TNN: variants seen among roughly 807,000 people sequenced by gnomAD.
TNN encodes the protein tenascin N, also known as tenascin-N.
A neutral mutation model predicts 134.4 loss-of-function variants in TNN; 122 were observed. The observed-to-expected ratio is 0.91, with a 90% CI of 0.78 to 1.06. TNN has a LOEUF of 1.06. Among genes scored for constraint, TNN ranks in the 50% least tolerant of loss-of-function variants. TNN has a pLI of 0.00. For missense variants in TNN, 1,739 were observed against 1,699.4 expected (o/e 1.02, Z -0.41); for synonymous variants, 710 against 670.3 (o/e 1.06, Z -0.91).
intron 9 of TNN, among the ~76,000 whole-genome samples, chr1:175,102,528 G>A (rs1185059147): frequency 3.4e-5 from 5 of 146,006 alleles, no homozygotes; most frequent in African/African-American, 7.4e-5. Flanking sequence ...TACACCCTCC[G>A]CAGCTGCTGG....
At chr1:175,109,420 C>T (rs1363817044) in intron 9 of TNN, among the ~76,000 whole-genome samples, 2 of 151,948 alleles carry the variant, frequency 1.3e-5, no homozygotes, top group Non-Finnish European at 2.9e-5. Flanking sequence ...CTTAAGCCAA[C>T]CTGTGTTCAT....
chr1:175,077,327 A>AT, intron 1 of TNN, 57 bp from the exon 2 acceptor site: 1 of 1,368,928 alleles, frequency 7.3e-7, no homozygotes, highest in Non-Finnish European at 9.9e-7. Context: ...GTAAAAAAAA[A>AT]GCCAGCTTCC....
rs189310230 is a variant in TNN at position 175,102,654 on chromosome 1, C to T, written c.2119+4059C>T. Among the ~76,000 whole-genome samples the T allele has an allele frequency of 4.1e-5, 6 of 145,754 alleles. 1 individual carries two copies. Among genetic ancestry groups the T allele is most frequent in the Non-Finnish European group, 7.6e-5 (5 of 65,532 alleles). ...CTCCAGCTGGCCCGCAAGCACCATG[C>T]GCAGCCCTGGTTCCCACTCGCGCCT... On this transcript the variant is annotated intron_variant, in intron 9 of 18. Coordinates refer to ENST00000239462, the MANE Select transcript of TNN (RefSeq NM_022093.2).
At position 175,083,825 on chromosome 1, in the gene TNN, C is replaced by T. The variant is rs897741844; in HGVS notation, c.1124C>T (p.Ser375Leu). The T allele has an allele frequency of 1.5e-5, 25 of 1,614,088 alleles. No individual in the cohort carries two copies. The highest frequency in any genetic ancestry group is 5.0e-5 in the Admixed American group (3 of 60,008). ...NSLDVEWENP[S>L]TEVDYYKLRY... ...CTTGACGTGGAGTGGGAAAACCCCT[C>T]AACTGAGGTGGACTACTACAAGCTG... The change falls in exon 5 of 19, where the codon TCA becomes TTA. Residue 375 changes from serine (S) to leucine (L), a missense_variant. By Grantham distance (145) the Ser-to-Leu change is moderately radical (BLOSUM62 -2). Coordinates refer to ENST00000239462, the MANE Select transcript of TNN (RefSeq NM_022093.2).
chr1:175,068,857 G>T (rs753768803), intron 1 of TNN, among the ~76,000 whole-genome samples: 32 of 152,170 alleles, frequency 2.1e-4, no homozygotes, highest in Non-Finnish European at 5.9e-5. Context: ...GCGGTGAGCC[G>T]AGATTGAACC....
chr1:175,096,274 G>T (rs938228872), intron 7 of TNN, among the ~76,000 whole-genome samples: 1 of 152,246 alleles, frequency 6.6e-6, no homozygotes, highest in Non-Finnish European at 1.5e-5. Flanking sequence ...CAGAGGCTAA[G>T]TTGTGAGAAT....
chr1:175,123,598 T>C lies in TNN; in HGVS notation c.2849T>C (p.Met950Thr), dbSNP rs148291406. 6.2e-7 allele frequency: 1 copy of C among 1,614,004 alleles called. No homozygotes were observed. The highest frequency in any genetic ancestry group is 8.5e-7 in the Non-Finnish European group (1 of 1,180,008). ...GGCCTGAGACCAGGCATGGAGTACA[T>C]GGTGCACGTGTGGGCCCAGAAGGGG... ...LTGLRPGMEYMVHVWAQKGAQ... is the reference protein window; with the variant it reads ...LTGLRPGMEYTVHVWAQKGAQ... The change falls in exon 12 of 19, where the codon ATG becomes ACG. Residue 950 changes from methionine (M) to threonine (T), a missense_variant. Physicochemically the swap from Met to Thr is moderately conservative, Grantham distance 81. Coordinates refer to ENST00000239462, the MANE Select transcript of TNN (RefSeq NM_022093.2).
intron 6 of TNN, among the ~76,000 whole-genome samples, chr1:175,091,559 T>TATTTTTTTTTA (rs1558353471): frequency 3.5e-5 from 5 of 141,688 alleles, no homozygotes; most frequent in African/African-American, 1.3e-4. Flanking sequence ...TATTTATTAT[T>TATTTTTTTTTA]TTTATTTATT....
intron 17 of TNN, among the ~76,000 whole-genome samples, chr1:175,138,339 A>G (rs752695065): frequency 6.6e-5 from 10 of 152,174 alleles, no homozygotes; most frequent in African/African-American, 2.4e-4. Context: ...AAAAAATGAA[A>G]TTGCTAGCAG....
chr1:175,145,570 A>AAAAAAAAAAAAAAAAAAAAAC (rs1676044531), intron 18 of TNN, among the ~76,000 whole-genome samples: 1 of 149,038 alleles, frequency 6.7e-6, no homozygotes, highest in Non-Finnish European at 1.5e-5. Context: ...AAAAAAAAAA[A>AAAAAAAAAAAAAAAAAAAAAC]AAAAAGCTGT....
intron 12 of TNN, among the ~76,000 whole-genome samples, chr1:175,126,079 A>T (rs1385623703): frequency 1.4e-5 from 2 of 144,024 alleles, no homozygotes; most frequent in African/African-American, 5.1e-5. Flanking sequence ...AACAGTATGT[A>T]AGAAACATAA....
chr1:175,143,246 G>C (rs1181278750), intron 17 of TNN, among the ~76,000 whole-genome samples: 1 of 152,214 alleles, frequency 6.6e-6, no homozygotes, highest in Non-Finnish European at 1.5e-5. Context: ...GAATGCACAT[G>C]CGAAGAAGAT....
At chr1:175,093,900 T>A (rs1674506861) in intron 6 of TNN, 90 bp from the exon 7 acceptor site, 2 of 1,398,398 alleles carry the variant, frequency 1.4e-6, no homozygotes, top group Non-Finnish European at 2.0e-6. Context: ...TTGAACTAGG[T>A]CACCCAGGTG....
intron 1 of TNN, 142 bp downstream of exon 1, chr1:175,068,077 T>G: frequency 2.6e-6 from 1 of 390,848 alleles, no homozygotes; most frequent in Admixed American, 2.9e-5. Flanking sequence ...ATCACCTCCA[T>G]GAAGAGTTAA....
intron 1 of TNN, among the ~76,000 whole-genome samples, chr1:175,074,524 C>G (rs1261206009): frequency 2.7e-5 from 4 of 149,340 alleles, no homozygotes; most frequent in Admixed American, 1.3e-4. Flanking sequence ...TGTGCAGGCA[C>G]TTATTACCCA....
chr1:175,076,270 C>G (rs959210523), intron 1 of TNN, among the ~76,000 whole-genome samples: 1 of 152,164 alleles, frequency 6.6e-6, no homozygotes, highest in African/African-American at 2.4e-5. Flanking sequence ...CCACCTGCCC[C>G]ATCTCAGGTC....
At chr1:175,130,720 C>T (rs1469371918) in intron 15 of TNN, among the ~76,000 whole-genome samples, 1 of 152,198 alleles carries the variant, frequency 6.6e-6, no homozygotes, top group Non-Finnish European at 1.5e-5. Flanking sequence ...TATGTGTCGG[C>T]ACTGCTTCAT....
At chr1:175,143,407 A>C (rs1278034049) in intron 17 of TNN, among the ~76,000 whole-genome samples, 3 of 152,222 alleles carry the variant, frequency 2.0e-5, no homozygotes, top group African/African-American at 7.2e-5. Flanking sequence ...GGGAAACAGG[A>C]GATACATAAG....
Position 175,076,038 on chromosome 1 carries a change from G to A in TNN, c.-35-1346G>A, listed in dbSNP as rs114439314. 4.7e-3 allele frequency among the ~76,000 whole-genome samples: 709 copies of A among 152,348 alleles called. 2 individuals are homozygous for A. The highest frequency in any genetic ancestry group is 7.0e-3 in the Non-Finnish European group (473 of 68,034). ...TTTCTAGATAACTGCTGCTATGCAA[G>A]CCCAACTGGGATGTATCTTGTGACT... is the stretch of plus-strand genomic sequence containing the variant. On this transcript the variant is annotated intron_variant, in intron 1 of 18. Coordinates refer to ENST00000239462, the MANE Select transcript of TNN (RefSeq NM_022093.2).
Sources: gnomAD v4.1 joint callset for allele counts (sites outside exome capture counted in the v4.1 genomes callset) on GRCh38, gnomAD v4.1.1 for gene constraint, MANE v1.5 for transcripts, NCBI Gene and HGNC (gene_info 2026-07-23, HGNC 2026-07-21) for gene names.